PIK3CD: variants seen among roughly 807,000 people sequenced by gnomAD.
PIK3CD encodes phosphatidylinositol 4,5-bisphosphate 3-kinase catalytic subunit delta isoform.
Under a neutral mutation model 122.9 loss-of-function variants are expected in PIK3CD, and 20 were observed. That is an observed-to-expected ratio of 0.16 (90% confidence interval 0.11 to 0.24). The LOEUF is 0.24. PIK3CD is among the 10% of genes least tolerant of loss of function. The pLI is 1.00. For synonymous variants in PIK3CD, 596 were observed against 593.4 expected (o/e 1.00, Z -0.06); for missense variants, 787 against 1,406.3 (o/e 0.56, Z 7.04).
Position 9,721,759 on chromosome 1 carries a change from A to G in PIK3CD, c.1956-2A>G. On this transcript the variant is annotated splice_acceptor_variant, in intron 15 of 23. Coordinates refer to ENST00000377346, the MANE Select transcript of PIK3CD (RefSeq NM_005026.5). LOFTEE classifies it high-confidence loss of function. Reference sequence around the variant, plus strand: ...AGGCTCAGCCCTCCCTTCACCTTCCAGCTCCGAGATGCACGTGCCGTCGGT... The same window carrying G: ...AGGCTCAGCCCTCCCTTCACCTTCCGGCTCCGAGATGCACGTGCCGTCGGT... The G allele has an allele frequency of 6.2e-7, 1 of 1,612,966 alleles. No homozygotes were observed. Among genetic ancestry groups the G allele is most frequent in the Non-Finnish European group, 8.5e-7 (1 of 1,179,882 alleles).
At chr1:9,707,420 A>G (rs1646880987) in intron 2 of PIK3CD, among the ~76,000 whole-genome samples, 1 of 150,944 alleles carries the variant, frequency 6.6e-6, no homozygotes, top group East Asian at 1.9e-4. Context: ...TATATAGGTA[A>G]ACTTGTGTCG....
At chr1:9,661,545 C>A (rs769787815) in intron 1 of PIK3CD, among the ~76,000 whole-genome samples, 7 of 152,136 alleles carry the variant, frequency 4.6e-5, no homozygotes, top group Non-Finnish European at 8.8e-5. Flanking sequence ...CATGCTACCA[C>A]CCCTGGCTCA....
intron 2 of PIK3CD, among the ~76,000 whole-genome samples, chr1:9,696,136 T>C (rs540989830): frequency 5.3e-5 from 8 of 152,044 alleles, no homozygotes; most frequent in African/African-American, 1.4e-4. Context: ...CATGCCCAGC[T>C]AATTTTTATC....
At chr1:9,683,013 C>CA (rs1645816878) in intron 1 of PIK3CD, among the ~76,000 whole-genome samples, 1 of 151,066 alleles carries the variant, frequency 6.6e-6, no homozygotes, top group African/African-American at 2.4e-5. Flanking sequence ...CAAACGCTTT[C>CA]CCCACTGGGA....
chr1:9,697,513 G>A (rs1646465288), intron 2 of PIK3CD, among the ~76,000 whole-genome samples: 1 of 151,314 alleles, frequency 6.6e-6, no homozygotes, highest in Non-Finnish European at 1.5e-5. Flanking sequence ...GGGCAACATA[G>A]TGAGAACCTA....
rs142907633 is a variant in PIK3CD, at chr1:9,724,812, G to A, written c.2873G>A (p.Gly958Asp). ...CTGTCCCCTACCTGCAGGTTCCGGG[G>A]CTACTGTGAAAGGGCCTACACCATC... ...NNSEKFERFR[G>D]YCERAYTILR... Residue 958 changes from glycine (G) to aspartate (D), a missense_variant, in exon 23 of 24, where the codon GGC becomes GAC. By Grantham distance (94) the Gly-to-Asp change is moderately conservative. Coordinates refer to ENST00000377346, the MANE Select transcript of PIK3CD (RefSeq NM_005026.5). This position sits in a 1 kb window ranked among gnomAD's most constrained non-coding sequence, Gnocchi z 7.3. 2,006 of 1,613,022 alleles carry A rather than the reference G, an allele frequency of 1.2e-3. 1 individual carries two copies. The highest frequency in any genetic ancestry group is 1.6e-3 in the Non-Finnish European group (1,867 of 1,180,048).
chr1:9,686,780 C>T (rs1645981452), intron 1 of PIK3CD, among the ~76,000 whole-genome samples: 1 of 152,184 alleles, frequency 6.6e-6, no homozygotes, highest in South Asian at 2.1e-4. Flanking sequence ...CTGGTTTTTC[C>T]TCCATCTCTG....
At chr1:9,705,066 T>C (rs545001260) in intron 2 of PIK3CD, among the ~76,000 whole-genome samples, 25 of 152,272 alleles carry the variant, frequency 1.6e-4, no homozygotes, top group Middle Eastern at 3.4e-3. Flanking sequence ...TTACAAGTCT[T>C]TAAAATCCAA....
intron 1 of PIK3CD, among the ~76,000 whole-genome samples, chr1:9,663,706 T>C (rs1300064040): frequency 1.3e-5 from 2 of 151,696 alleles, no homozygotes; most frequent in African/African-American, 4.8e-5. Context: ...TTACATTAGG[T>C]ATATCTCCTA....
In PIK3CD at chr1:9,718,851, C is replaced by T. The variant is rs1048477125; in HGVS notation, c.1178C>T (p.Ala393Val). The T allele has an allele frequency of 4.3e-6, 7 of 1,613,018 alleles. No homozygotes were observed. Among genetic ancestry groups the T allele is most frequent in the Admixed American group, 1.7e-5 (1 of 60,016 alleles). ...DLPRMARLCF[A>V]LYAVIEKAKK... ...CCCCGCATGGCCCGTCTCTGCTTTGCGCTGTACGCCGTGATCGAGAAAGCC... is the reference window on the plus strand; with the variant it reads ...CCCCGCATGGCCCGTCTCTGCTTTGTGCTGTACGCCGTGATCGAGAAAGCC... Residue 393 changes from alanine (A) to valine (V), a missense_variant, in exon 9 of 24, where the codon GCG (alanine) becomes GTG (valine). Ala to Val is a moderately conservative substitution (Grantham distance 64). This residue lies in a region of PIK3CD where 592 missense variants were observed against 920.6 expected (regional missense o/e 0.64). Coordinates refer to ENST00000377346, the MANE Select transcript of PIK3CD (RefSeq NM_005026.5). The surrounding 1 kb of genome is among the most constrained non-coding windows in gnomAD (Gnocchi z 7.2).
intron 23 of PIK3CD, 113 bp downstream of exon 23, chr1:9,725,049 G>T: frequency 7.5e-7 from 1 of 1,324,902 alleles, no homozygotes; most frequent in Non-Finnish European, 1.1e-6. Context: ...ACTGAGCTGT[G>T]TGTGCCTCAT....
the PIK3CD span, among the ~76,000 whole-genome samples, chr1:9,628,556 G>A: frequency 6.6e-6 from 1 of 152,362 alleles, no homozygotes; most frequent in East Asian, 1.9e-4. Context: ...CGCCCCTGCC[G>A]TGGAGGGAGG....
intron 2 of PIK3CD, among the ~76,000 whole-genome samples, chr1:9,709,421 GA>G (rs1646964241): frequency 6.6e-6 from 1 of 152,038 alleles, no homozygotes; most frequent in East Asian, 1.9e-4. Flanking sequence ...GAAAGTTTCA[GA>G]GAGGCTGGAT....
chr1:9,662,845 C>A (rs1214125026), intron 1 of PIK3CD, among the ~76,000 whole-genome samples: 1 of 152,104 alleles, frequency 6.6e-6, no homozygotes, highest in Non-Finnish European at 1.5e-5. Context: ...CATGCCACCA[C>A]GCCTGGCTAA....
At position 9,721,015 on chromosome 1, in the gene PIK3CD, T is replaced by C. The variant is rs2100959507; in HGVS notation, c.1689+106T>C. 4.2e-6 allele frequency: 6 copies of C among 1,420,814 alleles called. No homozygotes were observed. The Middle Eastern group carries it at 6.2e-4, about 147-fold the overall frequency. 88.0% of individuals were successfully genotyped at this position (1,420,814 alleles called of 1,614,324 possible). On this transcript the variant is annotated intron_variant, in intron 13 of 23. Transcript: ENST00000377346. ...CCCCCACCCTCACCCTGGCCAACCTTCACCCTGACCCTGGCCACCCACCAC... is the reference window on the plus strand; with the variant it reads ...CCCCCACCCTCACCCTGGCCAACCTCCACCCTGACCCTGGCCACCCACCAC...
rs1381603681 is a variant in PIK3CD at position 9,717,884 on chromosome 1, G to T, written c.1020+258G>T. ...GGTATTTGACTTTGGTGGAGGTTAT[G>T]GGGCCAGGTTCAGCCCAGGGATCCG... is the stretch of plus-strand genomic sequence containing the variant. On this transcript the variant is annotated intron_variant, in intron 8 of 23. Transcript: ENST00000377346. This position sits in a 1 kb window ranked among gnomAD's most constrained non-coding sequence, Gnocchi z 5.4. Among the ~76,000 whole-genome samples, 1 of 152,172 alleles carries T rather than the reference G, an allele frequency of 6.6e-6. No individual in the cohort carries two copies. The highest frequency in any genetic ancestry group is 1.5e-5 in the Non-Finnish European group (1 of 68,024).
intron 1 of PIK3CD, among the ~76,000 whole-genome samples, chr1:9,676,925 C>T (rs1317772009): frequency 2.0e-5 from 3 of 152,192 alleles, no homozygotes; most frequent in African/African-American, 7.2e-5. Flanking sequence ...GCCCAGAGAC[C>T]TGCTCTGAGA....
intron 1 of PIK3CD, among the ~76,000 whole-genome samples, chr1:9,684,845 CA>C (rs200995845): frequency 0.011 from 1,176 of 108,782 alleles, 32 homozygotes; most frequent in Admixed American, 0.065. Context: ...GACCCTGTCT[CA>C]AAAAAAAAAA....
At chr1:9,639,710 A>G in the PIK3CD span, among the ~76,000 whole-genome samples, 63,772 of 151,884 alleles carry the variant, frequency 0.42, 18,429 homozygotes, top group East Asian at 0.79. Context: ...CTCAACCGTT[A>G]TCTTCAGGGT....
Sources: gnomAD v4.1 joint callset for allele counts (sites outside exome capture counted in the v4.1 genomes callset) on GRCh38, gnomAD v4.1.1 for gene constraint, gnomAD v4.1.1 regional missense constraint, Gnocchi (gnomAD v3.1) non-coding constraint, MANE v1.5 for transcripts, NCBI Gene and HGNC (gene_info 2026-07-23, HGNC 2026-07-21) for gene names.